Variants in SPATA24 observed in about 807,000 individuals in gnomAD.
The protein encoded by SPATA24 is spermatogenesis associated 24, also known as spermatogenesis-associated protein 24.
SPATA24 carries 21 observed loss-of-function variants against 28.9 expected under a neutral mutation model. That is an observed-to-expected ratio of 0.73 (90% CI 0.52 to 1.05). The LOEUF is 1.05. Among genes scored for constraint, SPATA24 ranks in the 50% least tolerant of loss-of-function variants. The pLI, the probability that SPATA24 is intolerant of heterozygous loss-of-function variation, is 0.00. For missense variants in SPATA24, 215 were observed against 242.9 expected (o/e 0.88, Z 0.76); for synonymous variants, 76 against 89.9 (o/e 0.85, Z 0.88).
At chr5:139,395,023 G>T (rs909338870), downstream of SPATA24, 3 of 1,445,022 alleles carry the variant, frequency 2.1e-6, no homozygotes, top group Non-Finnish European at 1.8e-6. Context: ...CCGCGCGGGG[G>T]CCGTGGGCAG....
intron 4 of SPATA24, among the ~76,000 whole-genome samples, chr5:139,399,137 G>A (rs1043659725): frequency 6.6e-6 from 1 of 151,896 alleles, no homozygotes; most frequent in African/African-American, 2.4e-5. Context: ...CTAACACGGT[G>A]AAACCTTGTC....
At chr5:139,402,084 G>T in intron 2 of SPATA24, 39 bp from the exon 3 acceptor site, 1 of 1,541,984 alleles carries the variant, frequency 6.5e-7, no homozygotes. Flanking sequence ...ACCCTAGGCC[G>T]CCTTGGGTCT....
rs1204554021 is a variant in SPATA24 at position 139,403,939 on chromosome 5, C to T, written c.117+5G>A. 5 of 1,550,656 alleles carry T rather than the reference C, an allele frequency of 3.2e-6. No homozygotes were observed. The highest frequency in any genetic ancestry group is 4.4e-6 in the Non-Finnish European group (5 of 1,146,106). Reference sequence around the variant, plus strand: ...GCCTCTCCCCAAACTCCTCTGGCTGCATACCACGTTCCTCAGCTGGTGGAT... The same window carrying T: ...GCCTCTCCCCAAACTCCTCTGGCTGTATACCACGTTCCTCAGCTGGTGGAT... On this transcript the variant is annotated splice_donor_5th_base_variant and intron_variant, in intron 1 of 5. Coordinates refer to ENST00000450845, the MANE Select transcript of SPATA24 (RefSeq NM_194296.2).
chr5:139,398,032 C>T (rs1378796188), intron 4 of SPATA24, among the ~76,000 whole-genome samples: 1 of 152,230 alleles, frequency 6.6e-6, no homozygotes, highest in African/African-American at 2.4e-5. Flanking sequence ...AGTATATTTG[C>T]AGACCGAATG....
At chr5:139,399,299 A>G (rs1758774918) in intron 4 of SPATA24, among the ~76,000 whole-genome samples, 1 of 151,386 alleles carries the variant, frequency 6.6e-6, no homozygotes, top group Non-Finnish European at 1.5e-5. Flanking sequence ...CCTGGGCGGC[A>G]GAGCAAGACT....
intron 4 of SPATA24, among the ~76,000 whole-genome samples, chr5:139,399,896 T>C (rs1758787119): frequency 6.6e-6 from 1 of 152,182 alleles, no homozygotes; most frequent in Non-Finnish European, 1.5e-5. Flanking sequence ...TGGAAGGAAA[T>C]GACCTAGGGG....
downstream of SPATA24, chr5:139,394,781 G>A (rs1758665477): frequency 4.6e-6 from 7 of 1,530,314 alleles, no homozygotes; most frequent in African/African-American, 1.4e-5. Flanking sequence ...CGCAGCTGGG[G>A]CTGGGGTGGC....
downstream of SPATA24, chr5:139,394,172 C>T (rs1411692919): frequency 6.5e-7 from 1 of 1,546,262 alleles, no homozygotes; most frequent in East Asian, 2.5e-5. Context: ...GCCGAATTAT[C>T]TCGTACGCGA....
intron 4 of SPATA24, among the ~76,000 whole-genome samples, chr5:139,398,122 C>T (rs4835726): frequency 0.48 from 73,067 of 152,120 alleles, 20,182 homozygotes; most frequent in African/African-American, 0.75. Flanking sequence ...TTCCCGAGGG[C>T]TGGCTGGATG....
downstream of SPATA24, chr5:139,395,440 C>T (rs1016336191): frequency 8.7e-6 from 2 of 230,308 alleles, no homozygotes; most frequent in African/African-American, 4.5e-5. Context: ...CAGCAGGGAT[C>T]CGCCTGAAGT....
chr5:139,399,364 T>A (rs999840565), intron 4 of SPATA24, among the ~76,000 whole-genome samples: 1 of 148,238 alleles, frequency 6.7e-6, no homozygotes, highest in African/African-American at 2.5e-5. Context: ...GAACACAAAC[T>A]CTGAAAATAC....
At chr5:139,393,368 C>T (rs369710606), downstream of SPATA24, 3 of 1,551,468 alleles carry the variant, frequency 1.9e-6, no homozygotes, top group African/African-American at 4.1e-5. Context: ...AAGGCAAGAT[C>T]TGAAATTTCC....
chr5:139,394,032 G>A, downstream of SPATA24: 1 of 1,550,754 alleles, frequency 6.4e-7, no homozygotes, highest in Non-Finnish European at 8.7e-7. Context: ...GCGCCTCCTG[G>A]ATCTTCTCCT....
downstream of SPATA24, chr5:139,393,699 C>G (rs1245659667): frequency 6.4e-7 from 1 of 1,550,994 alleles, no homozygotes; most frequent in Admixed American, 2.0e-5. Context: ...CACACTGATT[C>G]CACTGGGAAA....
intron 4 of SPATA24, among the ~76,000 whole-genome samples, chr5:139,398,746 A>G (rs960254738): frequency 6.6e-6 from 1 of 151,822 alleles, no homozygotes; most frequent in Non-Finnish European, 1.5e-5. Context: ...ACAAGGGGCC[A>G]GGCACAGTGG....
At chr5:139,402,897 G>A (rs1490543461) in intron 1 of SPATA24, among the ~76,000 whole-genome samples, 2 of 152,238 alleles carry the variant, frequency 1.3e-5, no homozygotes, top group East Asian at 1.9e-4. Flanking sequence ...GTCTCATGGA[G>A]GAGGCAGTCC....
chr5:139,394,871 G>A, downstream of SPATA24: 1 of 1,522,906 alleles, frequency 6.6e-7, no homozygotes, highest in Middle Eastern at 1.8e-4. Flanking sequence ...CTGACGGACA[G>A]GCGAGGCTGC....
downstream of SPATA24, chr5:139,395,018 C>CG: frequency 6.9e-7 from 1 of 1,457,410 alleles, no homozygotes; most frequent in South Asian, 1.4e-5. Context: ...TGGCGCCGCG[C>CG]GGGGGCCGTG....
chr5:139,398,415 A>AC (rs1029049965), intron 4 of SPATA24, among the ~76,000 whole-genome samples: 7 of 150,286 alleles, frequency 4.7e-5, no homozygotes, highest in African/African-American at 7.3e-5. Context: ...AAAAAAAAAA[A>AC]AAACAAAAAA....
Sources: gnomAD v4.1 joint callset for allele counts (sites outside exome capture counted in the v4.1 genomes callset) on GRCh38, gnomAD v4.1.1 for gene constraint, MANE v1.5 for transcripts, NCBI Gene and HGNC (gene_info 2026-07-23, HGNC 2026-07-21) for gene names.